The following FBXO10 variants were observed in gnomAD, a reference collection of about 807,000 sequenced individuals.
FBXO10 encodes the protein F-box protein 10.
FBXO10 carries 39 observed loss-of-function variants against 80.7 expected under a neutral mutation model. That is an observed-to-expected ratio of 0.48 (90% confidence interval 0.37 to 0.63). FBXO10 has a LOEUF of 0.63. FBXO10 is among the 30% of genes least tolerant of loss of function. FBXO10 has a pLI of 0.00. For synonymous variants in FBXO10, 449 were observed against 489.6 expected, an observed-to-expected ratio of 0.92 and a Z score of 1.09; for missense variants, 1,025 against 1,269.0, an observed-to-expected ratio of 0.81 and a Z score of 2.92.
chr9:37,520,313 CTTTTTTTTTT>C (rs11309075), intron 8 of FBXO10, among the ~76,000 whole-genome samples: 2 of 110,936 alleles, frequency 1.8e-5, no homozygotes, highest in Non-Finnish European at 3.6e-5. Context: ...CTTCTACCAT[CTTTTTTTTTT>C]TTTTTTTTTT....
At chr9:37,544,121 T>C (rs1383858214) in intron 1 of FBXO10, among the ~76,000 whole-genome samples, 1 of 152,114 alleles carries the variant, frequency 6.6e-6, no homozygotes, top group Non-Finnish European at 1.5e-5. Flanking sequence ...ACAAAAAAAT[T>C]AGCCGGGTTT....
chr9:37,522,680 G>T, intron 7 of FBXO10, 145 bp downstream of exon 7: 1 of 1,156,528 alleles, frequency 8.6e-7, no homozygotes, highest in Non-Finnish European at 1.2e-6. Context: ...TTCTGGGAGG[G>T]CCTGGGTGAC....
chr9:37,561,487 A>G (rs915129499), intron 1 of FBXO10, among the ~76,000 whole-genome samples: 2 of 152,186 alleles, frequency 1.3e-5, no homozygotes, highest in East Asian at 1.9e-4. Flanking sequence ...GGCAAGTCCC[A>G]TAAGACTTGG....
intron 8 of FBXO10, among the ~76,000 whole-genome samples, chr9:37,520,886 G>T (rs1220790220): frequency 6.6e-6 from 1 of 152,156 alleles, no homozygotes; most frequent in Non-Finnish European, 1.5e-5. Flanking sequence ...TCAGTTCTTT[G>T]TCTCAAGTTC....
rs779389401 is a variant in FBXO10 at position 37,552,691 on chromosome 9, CAAA to C, written c.-6-10920_-6-10918del. Among the ~76,000 whole-genome samples, 739 of 95,310 alleles carry C rather than the reference CAAA, an allele frequency of 7.8e-3. 3 individuals are homozygous for C. The highest frequency in any genetic ancestry group is 0.025 in the African/African-American group (657 of 25,838). The allele number at this position is 95,310 out of a possible 152,430, so 62.5% of individuals were successfully genotyped here. Reference sequence around the variant, plus strand: ...TGTGTGACAGAGCGAGACTCCATATCAAAAAAAAAAAAAAAAAAAAAGAACAGA... The same window carrying C: ...TGTGTGACAGAGCGAGACTCCATATCAAAAAAAAAAAAAAAAAAGAACAGA... On this transcript the variant is annotated intron_variant, in intron 1 of 10. Coordinates refer to ENST00000432825, the MANE Select transcript of FBXO10 (RefSeq NM_012166.3).
intron 1 of FBXO10, among the ~76,000 whole-genome samples, chr9:37,546,157 CTG>C (rs1822050795): frequency 6.6e-6 from 1 of 151,700 alleles, no homozygotes; most frequent in East Asian, 1.9e-4. Flanking sequence ...AAAAAAAAGA[CTG>C]TGATTTTTGA....
At chr9:37,546,871 G>A (rs1822070204) in intron 1 of FBXO10, among the ~76,000 whole-genome samples, 1 of 152,140 alleles carries the variant, frequency 6.6e-6, no homozygotes, top group Admixed American at 6.5e-5. Flanking sequence ...AGTAGAGATG[G>A]GGTTTCACCA....
chr9:37,523,433 A>T (rs1821391441), intron 6 of FBXO10, among the ~76,000 whole-genome samples: 1 of 152,102 alleles, frequency 6.6e-6, no homozygotes, highest in African/African-American at 2.4e-5. Context: ...GCGTGCCTGT[A>T]GTCCCAGCTT....
Position 37,525,060 on chromosome 9 carries a change from C to A in FBXO10, c.1777+42G>T, listed in dbSNP as rs368627019. 5.3e-4 allele frequency: 807 copies of A among 1,533,412 alleles called. 6 individuals carry two copies. Among genetic ancestry groups the A allele is most frequent in the Non-Finnish European group, 2.1e-4 (239 of 1,130,946 alleles). The allele number at this position is 1,533,412 out of a possible 1,614,324, so 95.0% of individuals were successfully genotyped here. On this transcript the variant is annotated intron_variant, in intron 6 of 10. Transcript: ENST00000432825. ...GAAGCTGGGGGGTGACGCCAGGGGA[C>A]CTTGGCCTGGCTGCCAGGTGCCAGG...
chr9:37,552,058 T>G (rs1476347431), intron 1 of FBXO10, among the ~76,000 whole-genome samples: 1 of 152,220 alleles, frequency 6.6e-6, no homozygotes, highest in African/African-American at 2.4e-5. Context: ...TTCCAATACC[T>G]TGTTCCTCAT....
At chr9:37,523,533 A>T (rs1821393660) in intron 6 of FBXO10, among the ~76,000 whole-genome samples, 1 of 152,106 alleles carries the variant, frequency 6.6e-6, no homozygotes, top group South Asian at 2.1e-4. Context: ...GGCCTGGATG[A>T]CAGACTGAGA....
At chr9:37,542,137 CT>C (rs1426355139) in intron 1 of FBXO10, among the ~76,000 whole-genome samples, 1 of 152,020 alleles carries the variant, frequency 6.6e-6, no homozygotes, top group Non-Finnish European at 1.5e-5. Flanking sequence ...CCTCCAGTCC[CT>C]TTCTTAAAAT....
chr9:37,548,412 C>A (rs1400610841), intron 1 of FBXO10, among the ~76,000 whole-genome samples: 1 of 152,006 alleles, frequency 6.6e-6, no homozygotes, highest in Non-Finnish European at 1.5e-5. Context: ...AAAATAGAAA[C>A]CTCCCTGGAT....
At position 37,541,287 on chromosome 9, in the gene FBXO10, A is replaced by G. The variant is rs745893588; in HGVS notation, c.482T>C (p.Leu161Ser). The G allele has an allele frequency of 6.2e-7, 1 of 1,613,928 alleles. No homozygotes were observed. The highest frequency in any genetic ancestry group is 8.5e-7 in the Non-Finnish European group (1 of 1,179,858). The change falls in exon 2 of 11, where the codon TTG becomes TCG. Residue 161 changes from leucine (L) to serine (S), a missense_variant. Physicochemically the swap from Leu to Ser is moderately radical, Grantham distance 145. Transcript: ENST00000432825. ...VPVEIVGQGK[L>S]GEVALLASID... ...GCTGGCCAGCAGGGCCACTTCACCCAACTTCCCCTGCCCTACAATCTCCAC... is the reference window on the plus strand; with the variant it reads ...GCTGGCCAGCAGGGCCACTTCACCCGACTTCCCCTGCCCTACAATCTCCAC...
At chr9:37,532,503 T>C (rs938907829) in intron 3 of FBXO10, among the ~76,000 whole-genome samples, 1 of 152,040 alleles carries the variant, frequency 6.6e-6, no homozygotes, top group African/African-American at 2.4e-5. Flanking sequence ...TGGAGTAATT[T>C]TGTTGTTAAC....
chr9:37,552,826 A>G (rs867031830), intron 1 of FBXO10, among the ~76,000 whole-genome samples: 3 of 152,302 alleles, frequency 2.0e-5, no homozygotes, highest in Middle Eastern at 3.4e-3. Context: ...TAGAAAAGCA[A>G]GAGGGATGAA....
intron 1 of FBXO10, among the ~76,000 whole-genome samples, chr9:37,547,272 C>T (rs1242680178): frequency 6.6e-6 from 1 of 152,080 alleles, no homozygotes; most frequent in Non-Finnish European, 1.5e-5. Context: ...TTGATGTAGA[C>T]AAGAACATGT....
At chr9:37,552,691 C>CAA (rs779389401) in intron 1 of FBXO10, among the ~76,000 whole-genome samples, 9 of 95,304 alleles carry the variant, frequency 9.4e-5, no homozygotes, top group South Asian at 3.6e-4. Flanking sequence ...GACTCCATAT[C>CAA]AAAAAAAAAA....
chr9:37,519,999 A>T (rs1254041373), intron 8 of FBXO10, among the ~76,000 whole-genome samples: 1 of 151,924 alleles, frequency 6.6e-6, no homozygotes, highest in African/African-American at 2.4e-5. Flanking sequence ...ATCTGAAAAA[A>T]ATTTTTTTTT....
Sources: gnomAD v4.1 joint callset for allele counts (sites outside exome capture counted in the v4.1 genomes callset) on GRCh38, gnomAD v4.1.1 for gene constraint, MANE v1.5 for transcripts, NCBI Gene and HGNC (gene_info 2026-07-23, HGNC 2026-07-21) for gene names.